The following IPO9 variants were observed in gnomAD, a reference collection of about 807,000 sequenced individuals.
IPO9 encodes importin-9.
Under a neutral mutation model 128.6 loss-of-function variants are expected in IPO9, and 28 were observed. The observed-to-expected ratio is 0.22, with a 90% CI of 0.16 to 0.30. The LOEUF (loss-of-function observed/expected upper bound fraction) is 0.30. Among genes scored for constraint, IPO9 ranks in the 10% least tolerant of loss-of-function variants. The pLI is 1.00. For missense variants in IPO9, 935 were observed against 1,293.9 expected (o/e 0.72, Z 4.26); for synonymous variants, 455 against 475.8 (o/e 0.96, Z 0.57).
intron 1 of IPO9, among the ~76,000 whole-genome samples, chr1:201,837,045 TC>T (rs1679954678): frequency 6.6e-6 from 1 of 152,208 alleles, no homozygotes; most frequent in Non-Finnish European, 1.5e-5. Flanking sequence ...AAGGAGTCCA[TC>T]TTAAAATACT....
rs1163238750 is a variant in IPO9 at position 201,848,558 on chromosome 1, T to C, written c.478T>C (p.Leu160=). 6.2e-7 allele frequency: 1 copy of C among 1,614,016 alleles called. No homozygotes were observed. The highest frequency in any genetic ancestry group is 8.5e-7 in the Non-Finnish European group (1 of 1,179,964). The change falls in exon 4 of 24, where the codon TTA becomes CTA. Residue 160 remains leucine, a synonymous_variant. Coordinates refer to ENST00000361565, the MANE Select transcript of IPO9 (RefSeq NM_018085.5). ...LLMEMLVSGD[L]NAVHGAMRVL... is the part of the protein sequence containing the mutation. ...CATGGAGATGTTGGTGAGCGGAGAC[T>C]TAAATGCCGTCCATGGAGCCATGCG...
rs1491106859 is a variant in IPO9, at chr1:201,859,207, A to AT, written c.1468+213_1468+214insT. ...TATATATATATATATATATATATAT[A>AT]AAGGAAACTCTTTAAACCTGTCATT... is the stretch of plus-strand genomic sequence containing the variant. On this transcript the variant is annotated intron_variant, in intron 13 of 23. Coordinates refer to ENST00000361565, the MANE Select transcript of IPO9 (RefSeq NM_018085.5). Among the ~76,000 whole-genome samples the AT allele has an allele frequency of 5.7e-5, 8 of 140,540 alleles. No homozygotes were observed. The South Asian group carries it at 6.8e-4, about 12-fold the overall frequency. The allele number at this position is 140,540 out of a possible 152,430, so 92.2% of individuals were successfully genotyped here.
At chr1:201,866,587 C>T in intron 14 of IPO9, 146 bp from the exon 15 acceptor site, 2 of 595,954 alleles carry the variant, frequency 3.4e-6, no homozygotes, top group Admixed American at 3.1e-5. Flanking sequence ...TTATATAATA[C>T]ATCCAGAAAG....
At position 201,881,914 on chromosome 1, in the gene IPO9, GA is replaced by G. The variant is rs1680889127; in HGVS notation, c.*5861del. On this transcript the variant is annotated 3_prime_UTR_variant, in exon 24 of 24. Coordinates refer to ENST00000361565, the MANE Select transcript of IPO9 (RefSeq NM_018085.5). ...CAAGATAAAGTCAGTAGGACTTAAA[GA>G]CTGACAAGTAAGGATTTTCCAAAAG... The G allele has an allele frequency of 2.0e-5, 3 of 152,228 alleles. No homozygotes were observed. The highest frequency in any genetic ancestry group is 4.8e-5 in the African/African-American group (2 of 41,446). 9.4% of individuals were successfully genotyped at this position (152,228 alleles called of 1,614,324 possible).
At position 201,858,784 on chromosome 1, in the gene IPO9, CT is replaced by C. The variant is rs1345063017; in HGVS notation, c.1329-69del. ...TGTGCTGGAGTGCCCTTTTCTGAAT[CT>C]TGTTTCCTCAAATATTTATCTCTTT... On this transcript the variant is annotated intron_variant, in intron 12 of 23. Coordinates refer to ENST00000361565, the MANE Select transcript of IPO9 (RefSeq NM_018085.5). 1.5e-5 allele frequency: 22 copies of C among 1,497,102 alleles called. No individual in the cohort carries two copies. In the African/African-American group the frequency reaches 2.6e-4, roughly 18 times the overall value. 92.7% of individuals were successfully genotyped at this position (1,497,102 alleles called of 1,614,324 possible).
In IPO9 at chr1:201,880,808, T is replaced by A. The variant is rs925228539; in HGVS notation, c.*4754T>A. Reference sequence around the variant, plus strand: ...TTGTGCAAAAGCTATACACATTCGGTAGAAACAGTACTTCAAGTATCCATA... The same window carrying A: ...TTGTGCAAAAGCTATACACATTCGGAAGAAACAGTACTTCAAGTATCCATA... On this transcript the variant is annotated 3_prime_UTR_variant, in exon 24 of 24. Transcript: ENST00000361565. 1.3e-5 allele frequency: 2 copies of A among 152,230 alleles called. No homozygotes were observed. The highest frequency in any genetic ancestry group is 1.3e-4 in the Admixed American group (2 of 15,292). 9.4% of individuals were successfully genotyped at this position (152,230 alleles called of 1,614,324 possible). A position where few individuals can be genotyped will look rare whatever the true frequency, so the allele number is the denominator to read the frequency against.
chr1:201,871,990 T>A (rs914219062), intron 19 of IPO9, among the ~76,000 whole-genome samples: 2 of 151,920 alleles, frequency 1.3e-5, no homozygotes, highest in African/African-American at 4.8e-5. Context: ...ATCCCAGCAC[T>A]TTAGGAGGCT....
chr1:201,882,048 C>T lies in IPO9; in HGVS notation c.*5994C>T, dbSNP rs774849584. ...TTTAGTTAGCAGTCACGGGAAAATT[C>T]CCCATTCTCACGGGGATTTAGACTA... On this transcript the variant is annotated 3_prime_UTR_variant, in exon 24 of 24. Coordinates refer to ENST00000361565, the MANE Select transcript of IPO9 (RefSeq NM_018085.5). The T allele has an allele frequency of 6.6e-6, 1 of 152,148 alleles. No homozygotes were observed. The highest frequency in any genetic ancestry group is 1.5e-5 in the Non-Finnish European group (1 of 68,036). 9.4% of individuals were successfully genotyped at this position (152,148 alleles called of 1,614,324 possible).
At position 201,878,212 on chromosome 1, in the gene IPO9, G is replaced by A. The variant is rs999848307; in HGVS notation, c.*2158G>A. The A allele has an allele frequency of 6.6e-6, 1 of 152,290 alleles. No individual in the cohort carries two copies. The highest frequency in any genetic ancestry group is 2.4e-5 in the African/African-American group (1 of 41,456). The allele number at this position is 152,290 out of a possible 1,614,324, so 9.4% of individuals were successfully genotyped here. ...AGTTGCTGATACTGGGGAAATGATG[G>A]CAGATCTGACCAAGTGGTGCTGAGA... On this transcript the variant is annotated 3_prime_UTR_variant, in exon 24 of 24. Coordinates refer to ENST00000361565, the MANE Select transcript of IPO9 (RefSeq NM_018085.5).
chr1:201,866,194 G>A (rs1680551801), intron 14 of IPO9, among the ~76,000 whole-genome samples: 1 of 152,012 alleles, frequency 6.6e-6, no homozygotes, highest in South Asian at 2.1e-4. Flanking sequence ...ACTTTCTTCT[G>A]AAGTACCTCT....
intron 18 of IPO9, 32 bp from the exon 19 acceptor site, chr1:201,871,129 T>C (rs748164779): frequency 6.2e-7 from 1 of 1,603,836 alleles, no homozygotes; most frequent in East Asian, 2.2e-5. Flanking sequence ...GAAATTGATT[T>C]CCCTGAAGCA....
intron 1 of IPO9, among the ~76,000 whole-genome samples, chr1:201,829,782 TTAG>T (rs1246527188): frequency 3.3e-5 from 5 of 152,088 alleles, no homozygotes; most frequent in African/African-American, 7.2e-5. Flanking sequence ...GGGGGAGCTA[TTAG>T]TAGGAGTGGT....
chr1:201,852,222 G>A (rs773914206), intron 5 of IPO9, 30 bp downstream of exon 5: 1 of 1,421,518 alleles, frequency 7.0e-7, no homozygotes, highest in Non-Finnish European at 9.9e-7. Flanking sequence ...AGATTATAGT[G>A]AGTTCAGGCT....
chr1:201,846,794 C>T (rs973099396), intron 1 of IPO9, among the ~76,000 whole-genome samples: 9 of 152,120 alleles, frequency 5.9e-5, no homozygotes, highest in African/African-American at 9.7e-5. Flanking sequence ...CTCTGCCTCC[C>T]GAGTAGCTGG....
In IPO9 at chr1:201,876,938, CAGTAA is replaced by C. The variant is rs943056327; in HGVS notation, c.*890_*894del. On this transcript the variant is annotated 3_prime_UTR_variant, in exon 24 of 24. Coordinates refer to ENST00000361565, the MANE Select transcript of IPO9 (RefSeq NM_018085.5). The stretch of plus-strand genomic sequence containing the variant: ...ATTTGCAACATGTATTTTTCTAGGA[CAGTAA>C]AGTAATCTTTACAAATGAATTTAGT... 2.6e-5 allele frequency: 4 copies of C among 152,554 alleles called. No homozygotes were observed. The highest frequency in any genetic ancestry group is 9.7e-5 in the African/African-American group (4 of 41,418). The allele number at this position is 152,554 out of a possible 1,614,324, so 9.5% of individuals were successfully genotyped here. A position where few individuals can be genotyped will look rare whatever the true frequency, so the allele number is the denominator to read the frequency against.
chr1:201,856,850 T>G (rs566768854), intron 10 of IPO9, among the ~76,000 whole-genome samples: 5 of 152,022 alleles, frequency 3.3e-5, no homozygotes, highest in Non-Finnish European at 5.9e-5. Context: ...CCATGCCCAG[T>G]TGACTTTTTT....
chr1:201,884,147 C>G lies in IPO9; in HGVS notation c.*8093C>G, dbSNP rs1042804626. 2.0e-5 allele frequency: 3 copies of G among 152,378 alleles called. No individual in the cohort carries two copies. In the East Asian group the frequency reaches 5.8e-4, roughly 29 times the overall value. The allele number at this position is 152,378 out of a possible 1,614,324, so 9.4% of individuals were successfully genotyped here. A position where few individuals can be genotyped will look rare whatever the true frequency, so the allele number is the denominator to read the frequency against. On this transcript the variant is annotated 3_prime_UTR_variant, in exon 24 of 24. Coordinates refer to ENST00000361565, the MANE Select transcript of IPO9 (RefSeq NM_018085.5). The stretch of plus-strand genomic sequence containing the variant: ...GAGCTAGACTGCCTGGATTTGAACC[C>G]TGGCTTTGCCACTTGCCTGTTGGGT...
At chr1:201,867,725 C>CGG (rs1680580978) in intron 15 of IPO9, among the ~76,000 whole-genome samples, 1 of 151,236 alleles carries the variant, frequency 6.6e-6, no homozygotes, top group African/African-American at 2.4e-5. Flanking sequence ...TTTATTAATA[C>CGG]CTTATTACTA....
intron 15 of IPO9, among the ~76,000 whole-genome samples, chr1:201,868,208 G>C (rs1387790164): frequency 2.0e-5 from 3 of 151,904 alleles, no homozygotes; most frequent in Non-Finnish European, 4.4e-5. Flanking sequence ...TGTCTACCGT[G>C]GCTACCCCAT....
Sources: allele counts gnomAD v4.1 joint callset (sites outside exome capture counted in the v4.1 genomes callset), GRCh38; gene constraint gnomAD v4.1.1; transcripts MANE v1.5; gene names NCBI Gene and HGNC (gene_info 2026-07-23, HGNC 2026-07-21).